The following TMEM178B variants were observed in gnomAD, a reference collection of about 807,000 sequenced individuals.
TMEM178B encodes the protein transmembrane protein 178B.
TMEM178B carries 5 observed loss-of-function variants against 31.0 expected under a neutral mutation model. The observed-to-expected ratio is 0.16, with a 90% CI of 0.08 to 0.34. The LOEUF is 0.34. TMEM178B is among the 10% of genes least tolerant of loss of function. The probability of loss-of-function intolerance (pLI) is 1.00; values close to 1 mark genes in which losing one functional copy is unlikely to be tolerated. For missense variants in TMEM178B, 275 were observed against 400.3 expected (o/e 0.69, Z 2.67); for synonymous variants, 164 against 164.0 (o/e 1.00, Z 0.00).
intron 3 of TMEM178B, among the ~76,000 whole-genome samples, chr7:141,444,017 T>G (rs993325172): frequency 1.6e-4 from 24 of 152,222 alleles, no homozygotes; most frequent in African/African-American, 5.8e-4. Flanking sequence ...TTTTGACTAC[T>G]TTTTTATTGT....
At chr7:141,149,094 TAAG>T (rs1795908953) in intron 1 of TMEM178B, among the ~76,000 whole-genome samples, 1 of 152,192 alleles carries the variant, frequency 6.6e-6, no homozygotes, top group South Asian at 2.1e-4. Context: ...GATTTTGTGC[TAAG>T]GTTTTGTTGT....
rs1015214758 is a variant in TMEM178B at position 141,452,661 on chromosome 7, T to G, written c.634+14916T>G. On this transcript the variant is annotated intron_variant, in intron 3 of 3. Coordinates refer to ENST00000565468, the MANE Select transcript of TMEM178B (RefSeq NM_001195278.2). ...TAGTTGGCAACCTCTGAGCCTGCGT[T>G]TTCTCATCTGTAAAATTGACATAGT... Among the ~76,000 whole-genome samples the G allele has an allele frequency of 3.9e-5, 6 of 152,324 alleles. No individual in the cohort carries two copies. In the East Asian group the frequency reaches 9.6e-4, roughly 24 times the overall value.
chr7:141,231,372 AT>A (rs1797441091), intron 2 of TMEM178B, among the ~76,000 whole-genome samples: 1 of 152,150 alleles, frequency 6.6e-6, no homozygotes. Flanking sequence ...ACATTTTGCA[AT>A]TTGTACAAAA....
chr7:141,373,843 T>G (rs1300207019), intron 2 of TMEM178B, among the ~76,000 whole-genome samples: 2 of 152,180 alleles, frequency 1.3e-5, no homozygotes, highest in Non-Finnish European at 2.9e-5. Flanking sequence ...TTGAAAATAT[T>G]TAAACCTCTG....
chr7:141,148,009 T>A (rs1795882872), intron 1 of TMEM178B, among the ~76,000 whole-genome samples: 1 of 152,172 alleles, frequency 6.6e-6, no homozygotes, highest in Non-Finnish European at 1.5e-5. Flanking sequence ...AAATTTATTA[T>A]CTTATAGTAC....
chr7:141,083,959 C>CA (rs1296723566), intron 1 of TMEM178B, among the ~76,000 whole-genome samples: 3 of 152,062 alleles, frequency 2.0e-5, no homozygotes, highest in African/African-American at 7.2e-5. Context: ...CACATGCCGC[C>CA]ATGCCTGGCT....
intron 2 of TMEM178B, among the ~76,000 whole-genome samples, chr7:141,429,548 A>G (rs1176596917): frequency 1.3e-5 from 2 of 152,204 alleles, no homozygotes; most frequent in African/African-American, 4.8e-5. Context: ...GTTAGAGGTT[A>G]GGAGGGTATG....
intron 1 of TMEM178B, among the ~76,000 whole-genome samples, chr7:141,107,388 G>T (rs956982244): frequency 6.6e-6 from 1 of 152,210 alleles, no homozygotes; most frequent in African/African-American, 2.4e-5. Flanking sequence ...AAGAGTGGAT[G>T]CAGGGAGATC....
chr7:141,091,825 T>G (rs967998144), intron 1 of TMEM178B, among the ~76,000 whole-genome samples: 13 of 152,142 alleles, frequency 8.5e-5, no homozygotes, highest in African/African-American at 3.1e-4. Context: ...CCTCCCAGGC[T>G]CAAGTGATTC....
chr7:141,375,962 C>A (rs1800205913), intron 2 of TMEM178B, among the ~76,000 whole-genome samples: 1 of 152,168 alleles, frequency 6.6e-6, no homozygotes, highest in Non-Finnish European at 1.5e-5. Flanking sequence ...GAGCTGGCAA[C>A]CTGGGGACTA....
At position 141,171,055 on chromosome 7, in the gene TMEM178B, CA is replaced by C. The variant is rs1291675519; in HGVS notation, c.383-41535del. 4.7e-4 allele frequency among the ~76,000 whole-genome samples: 32 copies of C among 67,498 alleles called. No homozygotes were observed. The highest frequency in any genetic ancestry group is 4.4e-3 in the South Asian group (13 of 2,980). 44.3% of individuals were successfully genotyped at this position (67,498 alleles called of 152,430 possible). A position where few individuals can be genotyped will look rare whatever the true frequency, so the allele number is the denominator to read the frequency against. ...ACACACACACACACACACACACACACACACACACACCCTAAATATAAATTAA... is the reference window on the plus strand; with the variant it reads ...ACACACACACACACACACACACACACCACACACACCCTAAATATAAATTAA... On this transcript the variant is annotated intron_variant, in intron 1 of 3. Transcript: ENST00000565468. This position sits in a 1 kb window ranked among gnomAD's most constrained non-coding sequence, Gnocchi z 4.3.
chr7:141,375,412 A>G (rs372091847), intron 2 of TMEM178B, among the ~76,000 whole-genome samples: 1 of 152,202 alleles, frequency 6.6e-6, no homozygotes, highest in African/African-American at 2.4e-5. Context: ...GAGATTGTCA[A>G]AGTCAGACCC....
At chr7:141,390,738 A>T (rs1391893006) in intron 2 of TMEM178B, among the ~76,000 whole-genome samples, 1 of 152,216 alleles carries the variant, frequency 6.6e-6, no homozygotes, top group Non-Finnish European at 1.5e-5. Context: ...TCTCAATCCC[A>T]TTTTACTCAG....
chr7:141,313,112 T>A (rs1380791144), intron 2 of TMEM178B, among the ~76,000 whole-genome samples: 1 of 152,164 alleles, frequency 6.6e-6, no homozygotes, highest in Admixed American at 6.5e-5. Flanking sequence ...TGAGAAAGTA[T>A]TTTTTTAAAA....
intron 1 of TMEM178B, among the ~76,000 whole-genome samples, chr7:141,205,157 C>T (rs953435195): frequency 6.6e-6 from 1 of 152,294 alleles, no homozygotes; most frequent in South Asian, 2.1e-4. Context: ...GTGCTGGAAA[C>T]TGCTCTTTGA....
At chr7:141,470,444 G>A (rs572838696) in intron 3 of TMEM178B, 92 bp from the exon 4 acceptor site, 4 of 1,301,580 alleles carry the variant, frequency 3.1e-6, no homozygotes, top group African/African-American at 1.5e-5. Flanking sequence ...AATTGAAAAT[G>A]TAATAATATT....
chr7:141,363,978 T>G (rs2116552086), intron 2 of TMEM178B, among the ~76,000 whole-genome samples: 1 of 151,434 alleles, frequency 6.6e-6, no homozygotes, highest in East Asian at 1.9e-4. Flanking sequence ...TTAAAGAATT[T>G]AAAATTGAAA....
intron 2 of TMEM178B, among the ~76,000 whole-genome samples, chr7:141,235,162 T>G (rs2129192330): frequency 6.6e-6 from 1 of 152,340 alleles, no homozygotes; most frequent in African/African-American, 2.4e-5. Flanking sequence ...TGTGACTGAT[T>G]TTCCGTGAAG....
At chr7:141,248,065 C>T (rs1797767300) in intron 2 of TMEM178B, among the ~76,000 whole-genome samples, 1 of 151,594 alleles carries the variant, frequency 6.6e-6, no homozygotes, top group Admixed American at 6.6e-5. Context: ...ATCTCTAAAG[C>T]ATTCTGCAAG....
Sources: allele counts gnomAD v4.1 joint callset (sites outside exome capture counted in the v4.1 genomes callset), GRCh38; gene constraint gnomAD v4.1.1; non-coding constraint Gnocchi (gnomAD v3.1); transcripts MANE v1.5; gene names NCBI Gene and HGNC (gene_info 2026-07-23, HGNC 2026-07-21).